Variants in MYO9B observed in about 807,000 individuals in gnomAD.
MYO9B encodes the protein myosin IXB, also known as unconventional myosin-IXb.
MYO9B carries 71 observed loss-of-function variants against 229.5 expected under a neutral mutation model. The ratio of observed to expected loss-of-function variants is 0.31; its 90% CI spans 0.26 to 0.38. The LOEUF (loss-of-function observed/expected upper bound fraction) is 0.38, where lower values mean the gene tolerates loss of function less well. Among genes scored for constraint, MYO9B ranks in the 10% least tolerant of loss-of-function variants. The probability of loss-of-function intolerance (pLI) is 1.00; values close to 1 mark genes in which losing one functional copy is unlikely to be tolerated. For missense variants in MYO9B, 2,255 were observed against 2,920.5 expected (o/e 0.77, Z 5.25); for synonymous variants, 1,185 against 1,235.8 (o/e 0.96, Z 0.86).
At chr19:17,162,596 G>A in intron 9 of MYO9B, 130 bp downstream of exon 9, 1 of 791,956 alleles carries the variant, frequency 1.3e-6, no homozygotes, top group South Asian at 1.7e-5. Context: ...TTCCCCACAA[G>A]GACAGGCCCA....
At position 17,102,078 on chromosome 19, in the gene MYO9B, G is replaced by A. The variant is rs376539417; in HGVS notation, c.361G>A (p.Val121Met). Residue 121 changes from valine (V) to methionine (M), a missense_variant, in exon 2 of 40, where the codon GTG becomes ATG. Transcript: ENST00000682292. ...CAACGCAGATGGAACCATCAAGTAC[G>A]TGCATATGCAGCTGGTGGCGCAGGC... ...ERNADGTIKY[V>M]HMQLVAQATA... 60 of 1,612,666 alleles carry A rather than the reference G, an allele frequency of 3.7e-5. No homozygotes were observed. The highest frequency in any genetic ancestry group is 5.3e-5 in the African/African-American group (4 of 74,930).
chr19:17,210,209 G>A lies in MYO9B; in HGVS notation c.5749-124G>A, dbSNP rs973498767. ...GTGCAGGGGTGTGTTAGTGGGGAAC[G>A]GGCTCTGGGCTCCTGTGGGAACCAG... On this transcript the variant is annotated intron_variant, in intron 36 of 39. Coordinates refer to ENST00000682292, the MANE Select transcript of MYO9B (RefSeq NM_004145.4). 1.5e-4 allele frequency: 140 copies of A among 954,684 alleles called. No homozygotes were observed. The African/African-American group carries it at 2.1e-3, about 15-fold the overall frequency. 59.1% of individuals were successfully genotyped at this position (954,684 alleles called of 1,614,324 possible). A position where few individuals can be genotyped will look rare whatever the true frequency, so the allele number is the denominator to read the frequency against.
chr19:17,121,854 T>C (rs1394001109), intron 2 of MYO9B, among the ~76,000 whole-genome samples: 2 of 151,912 alleles, frequency 1.3e-5, no homozygotes, highest in Non-Finnish European at 2.9e-5. Context: ...GGCACAGTGC[T>C]GCGTGCCTGT....
At chr19:17,116,252 C>G (rs2057902609) in intron 2 of MYO9B, among the ~76,000 whole-genome samples, 1 of 152,188 alleles carries the variant, frequency 6.6e-6, no homozygotes, top group African/African-American at 2.4e-5. Context: ...GATCATGGAA[C>G]CTGTGGGCCC....
Position 17,193,164 on chromosome 19 carries a change from G to T in MYO9B, c.3128+102G>T. ...ATACCATCTGGCCTGTGGCACTAAGGGGATGTCATTCTGGACACAGGGAAA... is the reference window on the plus strand; with the variant it reads ...ATACCATCTGGCCTGTGGCACTAAGTGGATGTCATTCTGGACACAGGGAAA... On this transcript the variant is annotated intron_variant, in intron 21 of 39. Coordinates refer to ENST00000682292, the MANE Select transcript of MYO9B (RefSeq NM_004145.4). This position sits in a 1 kb window ranked among gnomAD's most constrained non-coding sequence, Gnocchi z 4.3. 1 of 1,267,514 alleles carries T rather than the reference G, an allele frequency of 7.9e-7. No homozygotes were observed. Among genetic ancestry groups the T allele is most frequent in the Non-Finnish European group, 1.0e-6 (1 of 961,712 alleles). The allele number at this position is 1,267,514 out of a possible 1,614,324, so 78.5% of individuals were successfully genotyped here.
At chr19:17,145,095 T>G (rs2072392631) in intron 2 of MYO9B, among the ~76,000 whole-genome samples, 1 of 151,312 alleles carries the variant, frequency 6.6e-6, no homozygotes, top group Admixed American at 6.6e-5. Flanking sequence ...CTGGACAACA[T>G]GGTGAAACCC....
In MYO9B at chr19:17,156,918, C is replaced by T. The variant is rs1476079420; in HGVS notation, c.1209C>T (p.Ala403=). The T allele has an allele frequency of 8.7e-6, 14 of 1,610,492 alleles. No individual in the cohort carries two copies. Among genetic ancestry groups the T allele is most frequent in the Admixed American group, 1.7e-5 (1 of 58,818 alleles). Residue 403 remains alanine (A), a synonymous_variant, in exon 7 of 40, where the codon GCC becomes GCT. Transcript: ENST00000682292. The part of the protein sequence containing the change: ...FLPATKKQIF[A]VLSAILYLGN... ...GCCTTTTCTTTCCCAGGATTTTTGC[C>T]GTCCTCTCGGCCATCCTGTACCTGG...
intron 8 of MYO9B, among the ~76,000 whole-genome samples, chr19:17,160,945 C>T (rs560662242): frequency 2.0e-5 from 3 of 151,720 alleles, no homozygotes; most frequent in African/African-American, 4.8e-5. Context: ...GTGATCCACC[C>T]GCCTCGGCCT....
At position 17,172,472 on chromosome 19, in the gene MYO9B, A is replaced by G. The variant is rs2072734941; in HGVS notation, c.1930A>G (p.Ile644Val). ...QHFAGKVKYQIKDFREKNMDY... is the reference protein window; with the variant it reads ...QHFAGKVKYQVKDFREKNMDY... Reference sequence around the variant, plus strand: ...CTTCGCAGGGAAGGTGAAATATCAGATCAAGGTAGGTGTCTGCCCATCACC... The same window carrying G: ...CTTCGCAGGGAAGGTGAAATATCAGGTCAAGGTAGGTGTCTGCCCATCACC... The change falls in exon 12 of 40, where the codon ATC becomes GTC. Residue 644 changes from isoleucine (I) to valine (V), a missense_variant. By Grantham distance (29) the Ile-to-Val change is conservative. Around this residue, in one of 7 missense-constraint regions of MYO9B, gnomAD observed 220 missense variants for 404.5 expected, o/e 0.54. Transcript: ENST00000682292. This position sits in a 1 kb window ranked among gnomAD's most constrained non-coding sequence, Gnocchi z 8.2. 2 of 1,613,462 alleles carry G rather than the reference A, an allele frequency of 1.2e-6. No homozygotes were observed. The highest frequency in any genetic ancestry group is 1.6e-4 in the Middle Eastern group (1 of 6,084).
intron 19 of MYO9B, 37 bp downstream of exon 19, chr19:17,188,082 C>A (rs1599406842): frequency 3.3e-6 from 5 of 1,519,282 alleles, no homozygotes; most frequent in Non-Finnish European, 4.5e-6. Flanking sequence ...CACACCTGTT[C>A]CGTGGCAAAG....
chr19:17,102,630 G>A, intron 2 of MYO9B, 73 bp downstream of exon 2: 1 of 1,465,480 alleles, frequency 6.8e-7, no homozygotes, highest in Non-Finnish European at 9.0e-7. Context: ...GCCAAGCTCG[G>A]TGGCCCACAT....
intron 8 of MYO9B, among the ~76,000 whole-genome samples, chr19:17,160,830 G>T (rs920520420): frequency 5.9e-5 from 9 of 152,182 alleles, no homozygotes; most frequent in African/African-American, 2.2e-4. Context: ...CTCCTGAGCA[G>T]CTGGGATTAC....
In MYO9B at chr19:17,108,210, G is replaced by A. The variant is rs115923198; in HGVS notation, c.840+5653G>A. ...CTTGGGGCCTCAGCAGCGGGGGCTG[G>A]CGAGGCCAGTTTTCTCCAGCGGTTC... On this transcript the variant is annotated intron_variant, in intron 2 of 39. Transcript: ENST00000682292. 2.0e-3 allele frequency among the ~76,000 whole-genome samples: 302 copies of A among 152,322 alleles called. 2 individuals carry two copies. The highest frequency in any genetic ancestry group is 5.1e-3 in the Admixed American group (78 of 15,296).
In MYO9B at chr19:17,195,042, C is replaced by T. The variant is rs367904976; in HGVS notation, c.3615C>T (p.Val1205=). Residue 1205 remains valine, a synonymous_variant, in exon 22 of 40, where the codon GTC becomes GTT. Coordinates refer to ENST00000682292, the MANE Select transcript of MYO9B (RefSeq NM_004145.4). This position sits in a 1 kb window ranked among gnomAD's most constrained non-coding sequence, Gnocchi z 4.5. ...GCAGAGAAGATGAAACCCTTCTAGT[C>T]GTAGAGACGGAGGCTGAGAACACAT... The part of the protein sequence containing the change: ...KESREDETLL[V]VETEAENTSQ... The T allele has an allele frequency of 1.6e-5, 25 of 1,612,906 alleles. No individual in the cohort carries two copies. In the African/African-American group the frequency reaches 1.7e-4, roughly 11 times the overall value.
At chr19:17,118,464 T>G (rs1412253480) in intron 2 of MYO9B, among the ~76,000 whole-genome samples, 3 of 149,970 alleles carry the variant, frequency 2.0e-5, no homozygotes, top group South Asian at 2.1e-4. Context: ...TAAAATGAAT[T>G]TATTTATTTA....
chr19:17,142,956 C>T (rs1047576627), intron 2 of MYO9B, among the ~76,000 whole-genome samples: 4 of 152,082 alleles, frequency 2.6e-5, no homozygotes, highest in African/African-American at 7.2e-5. Flanking sequence ...ACTTGAACAC[C>T]GGCCAGGCAT....
At chr19:17,186,835 A>T (rs2072924755) in intron 18 of MYO9B, among the ~76,000 whole-genome samples, 1 of 152,044 alleles carries the variant, frequency 6.6e-6, no homozygotes, top group Admixed American at 6.6e-5. Flanking sequence ...GGTTCAAGCC[A>T]TCCTCCTGGC....
chr19:17,137,758 A>G (rs1398333656), intron 2 of MYO9B, among the ~76,000 whole-genome samples: 1 of 151,320 alleles, frequency 6.6e-6, no homozygotes, highest in Non-Finnish European at 1.5e-5. Flanking sequence ...CTTTTTTTTT[A>G]TTTGAAACAG....
At chr19:17,077,498 G>A (rs931402852) in intron 1 of MYO9B, among the ~76,000 whole-genome samples, 5 of 152,100 alleles carry the variant, frequency 3.3e-5, no homozygotes, top group African/African-American at 4.8e-5. Flanking sequence ...GAACAGGACC[G>A]GGATCTTCTG....
Sources: allele counts gnomAD v4.1 joint callset (sites outside exome capture counted in the v4.1 genomes callset), GRCh38; gene constraint gnomAD v4.1.1; regional missense constraint gnomAD v4.1.1; non-coding constraint Gnocchi (gnomAD v3.1); transcripts MANE v1.5; gene names NCBI Gene and HGNC (gene_info 2026-07-23, HGNC 2026-07-21).